Variants in RAPGEF1 observed in about 807,000 individuals in gnomAD.
RAPGEF1 encodes the protein Rap guanine nucleotide exchange factor 1, also known as CRK SH3-binding GNRP.
In RAPGEF1, 33 loss-of-function variants were observed where a neutral mutation model predicts 143.3. The observed-to-expected ratio is 0.23, with a 90% confidence interval of 0.17 to 0.31. The LOEUF (loss-of-function observed/expected upper bound fraction) is 0.31. Among genes scored for constraint, RAPGEF1 ranks in the 10% least tolerant of loss-of-function variants. The pLI is 1.00. For synonymous variants in RAPGEF1, 629 were observed against 676.5 expected (o/e 0.93, Z 1.09); for missense variants, 1,199 against 1,645.4 (o/e 0.73, Z 4.69).
intron 12 of RAPGEF1, among the ~76,000 whole-genome samples, chr9:131,613,499 G>T (rs1001535166): frequency 5.3e-5 from 8 of 152,196 alleles, no homozygotes; most frequent in African/African-American, 1.9e-4. Flanking sequence ...GTCAGGAGCT[G>T]CAGTGCATCC....
At chr9:131,671,887 A>G (rs912155831) in intron 1 of RAPGEF1, among the ~76,000 whole-genome samples, 8 of 152,266 alleles carry the variant, frequency 5.3e-5, no homozygotes, top group African/African-American at 1.9e-4. Context: ...TCAATGTCAT[A>G]GATGAAAACA....
chr9:131,679,326 G>A (rs539713158), intron 1 of RAPGEF1, among the ~76,000 whole-genome samples: 135 of 152,286 alleles, frequency 8.9e-4, no homozygotes, highest in African/African-American at 3.2e-3. Context: ...AAATGATGTG[G>A]GATGCCCCTC....
intron 1 of RAPGEF1, among the ~76,000 whole-genome samples, chr9:131,710,437 G>C (rs1212600391): frequency 6.6e-6 from 1 of 152,080 alleles, no homozygotes; most frequent in Non-Finnish European, 1.5e-5. Context: ...CTGAACAAAG[G>C]GTTTTCTAGA....
Position 131,576,884 on chromosome 9 carries a change from AATGT to A in RAPGEF1, c.*2609_*2612del, listed in dbSNP as rs1035984381. The A allele has an allele frequency of 1.3e-5, 2 of 152,158 alleles. No homozygotes were observed. Among genetic ancestry groups the A allele is most frequent in the African/African-American group, 2.4e-5 (1 of 41,432 alleles). The allele number at this position is 152,158 out of a possible 1,614,324, so 9.4% of individuals were successfully genotyped here. On this transcript the variant is annotated 3_prime_UTR_variant, in exon 27 of 27. Coordinates refer to ENST00000683357, the MANE Select transcript of RAPGEF1 (RefSeq NM_001377935.1). ...AGGTTAGCTGGGGCATATATATTAC[AATGT>A]AACCCTGTGGAGGTCGTGGGGCCGG...
intron 12 of RAPGEF1, among the ~76,000 whole-genome samples, chr9:131,616,257 A>T (rs1958990920): frequency 6.6e-6 from 1 of 152,036 alleles, no homozygotes; most frequent in African/African-American, 2.4e-5. Context: ...ACAGAGCAAG[A>T]CTCCATCTCA....
intron 19 of RAPGEF1, 137 bp from the exon 20 acceptor site, chr9:131,589,123 G>T: frequency 1.2e-6 from 1 of 824,492 alleles, no homozygotes; most frequent in Non-Finnish European, 1.9e-6. Flanking sequence ...TGGGAAGAGA[G>T]CAGGAGACGA....
At chr9:131,696,369 G>A (rs1464030371) in intron 1 of RAPGEF1, among the ~76,000 whole-genome samples, 1 of 152,044 alleles carries the variant, frequency 6.6e-6, no homozygotes, top group Non-Finnish European at 1.5e-5. Flanking sequence ...ACATCTTAAA[G>A]GGCTTTCCTT....
chr9:131,603,873 G>T, intron 14 of RAPGEF1, 88 bp downstream of exon 14: 2 of 751,436 alleles, frequency 2.7e-6, no homozygotes, highest in Non-Finnish European at 3.8e-6. Context: ...CCCAACAGAA[G>T]CAGGTGCGGG....
Position 131,589,960 on chromosome 9 carries a change from G to A in RAPGEF1, c.2793C>T (p.Pro931=), listed in dbSNP as rs370826793. Residue 931 remains proline (P), a synonymous_variant, in exon 19 of 27, where the codon CCC becomes CCT. Transcript: ENST00000683357. ...CGCGCTTCTTGAATGTGTCGGCAAAGGGAGAGAATTTCTCATATGTGGAGC... is the reference window on the plus strand; with the variant it reads ...CGCGCTTCTTGAATGTGTCGGCAAAAGGAGAGAATTTCTCATATGTGGAGC... ...KLQYRYEKFS[P]FADTFKKRVS... The A allele has an allele frequency of 4.3e-6, 7 of 1,613,618 alleles. No individual in the cohort carries two copies. In the African/African-American group the frequency reaches 6.7e-5, roughly 15 times the overall value.
intron 12 of RAPGEF1, among the ~76,000 whole-genome samples, chr9:131,617,910 G>A (rs1959276672): frequency 6.6e-6 from 1 of 152,220 alleles, no homozygotes; most frequent in Non-Finnish European, 1.5e-5. Flanking sequence ...ACGAAAGGGA[G>A]AATGGTGGCC....
intron 16 of RAPGEF1, among the ~76,000 whole-genome samples, chr9:131,597,824 C>T (rs1020688061): frequency 2.0e-5 from 3 of 152,154 alleles, no homozygotes; most frequent in Non-Finnish European, 2.9e-5. Flanking sequence ...ACTGAAGCTA[C>T]AGTGGAGCTA....
intron 12 of RAPGEF1, among the ~76,000 whole-genome samples, chr9:131,605,763 CTTTTT>C (rs34279999): frequency 7.0e-6 from 1 of 143,286 alleles, no homozygotes; most frequent in Admixed American, 6.9e-5. Flanking sequence ...TTCTTTCTTT[CTTTTT>C]TTTTTTTTTT....
intron 11 of RAPGEF1, among the ~76,000 whole-genome samples, chr9:131,619,609 C>T (rs1393053616): frequency 1.3e-5 from 2 of 152,184 alleles, no homozygotes; most frequent in Non-Finnish European, 2.9e-5. Flanking sequence ...TGGACCCTGC[C>T]ATTTCTCACC....
chr9:131,580,141 C>T, intron 26 of RAPGEF1, 122 bp downstream of exon 26: 1 of 1,310,720 alleles, frequency 7.6e-7, no homozygotes, highest in Non-Finnish European at 1.0e-6. Context: ...GACTATATCT[C>T]AGCAGTGGCA....
chr9:131,599,600 G>A (rs943416310), intron 15 of RAPGEF1, among the ~76,000 whole-genome samples: 5 of 152,006 alleles, frequency 3.3e-5, no homozygotes, highest in South Asian at 2.1e-4. Context: ...CTAAGTTGCC[G>A]GCTGAAGGAT....
At chr9:131,614,403 T>C (rs1327601156) in intron 12 of RAPGEF1, among the ~76,000 whole-genome samples, 1 of 152,220 alleles carries the variant, frequency 6.6e-6, no homozygotes, top group Non-Finnish European at 1.5e-5. Context: ...CCTCCTCCTC[T>C]CCTCCCTTCT....
intron 1 of RAPGEF1, among the ~76,000 whole-genome samples, chr9:131,713,198 G>A (rs556691798): frequency 6.6e-6 from 1 of 152,302 alleles, no homozygotes; most frequent in African/African-American, 2.4e-5. Flanking sequence ...CGAGAACGCT[G>A]TGGCTGTACG....
chr9:131,717,168 G>T (rs1167192045), intron 1 of RAPGEF1, among the ~76,000 whole-genome samples: 1 of 152,200 alleles, frequency 6.6e-6, no homozygotes. Context: ...TCAGCCTCCA[G>T]GCTGTGATGC....
At chr9:131,642,184 C>T (rs944001494) in intron 4 of RAPGEF1, among the ~76,000 whole-genome samples, 1 of 152,236 alleles carries the variant, frequency 6.6e-6, no homozygotes, top group African/African-American at 2.4e-5. Context: ...TGCTAGCTAA[C>T]CTTTAAGAGG....
Sources: gnomAD v4.1 joint callset for allele counts (sites outside exome capture counted in the v4.1 genomes callset) on GRCh38, gnomAD v4.1.1 for gene constraint, MANE v1.5 for transcripts, NCBI Gene and HGNC (gene_info 2026-07-23, HGNC 2026-07-21) for gene names.